The following DCP2 variants were observed in gnomAD, a reference collection of about 807,000 sequenced individuals.
The protein encoded by DCP2 is m7GpppN-mRNA hydrolase.
DCP2 carries 30 observed loss-of-function variants against 56.1 expected under a neutral mutation model. That is an observed-to-expected ratio of 0.53 (90% CI 0.40 to 0.73). DCP2 has a LOEUF of 0.73. Among genes scored for constraint, DCP2 ranks in the 30% least tolerant of loss-of-function variants. DCP2 has a pLI of 0.00. For missense variants in DCP2, 533 were observed against 502.7 expected, an observed-to-expected ratio of 1.06 and a Z score of -0.58; for synonymous variants, 197 against 163.3, an observed-to-expected ratio of 1.21 and a Z score of -1.57.
At chr5:112,993,658 A>G (rs544041769) in intron 4 of DCP2, among the ~76,000 whole-genome samples, 66 of 151,470 alleles carry the variant, frequency 4.4e-4, no homozygotes, top group African/African-American at 1.6e-3. Context: ...AAAAAACCAA[A>G]ATTTTTTTTA....
chr5:113,011,275 T>C (rs1286208242), intron 10 of DCP2, among the ~76,000 whole-genome samples: 29 of 152,172 alleles, frequency 1.9e-4, no homozygotes, highest in Admixed American at 1.8e-3. Context: ...TTTTCCCTCT[T>C]TTGGAGGCAG....
At chr5:112,990,403 C>A (rs935687180) in intron 2 of DCP2, among the ~76,000 whole-genome samples, 1 of 152,148 alleles carries the variant, frequency 6.6e-6, no homozygotes, top group African/African-American at 2.4e-5. Flanking sequence ...GAGTATCCCA[C>A]ATTTGCTCCT....
chr5:113,021,744 A>AATC lies in DCP2; in HGVS notation c.*8261_*8263dup, dbSNP rs777264690. ...CATAGTGAAAACTTGAGAACATTGT[A>AATC]ATCTTTCTCTAACAGATGTGTTGCA... On this transcript the variant is annotated 3_prime_UTR_variant, in exon 11 of 11. Coordinates refer to ENST00000389063, the MANE Select transcript of DCP2 (RefSeq NM_152624.6). 6.6e-6 allele frequency among the ~76,000 whole-genome samples: 1 copy of AATC among 152,166 alleles called. No homozygotes were observed. The highest frequency in any genetic ancestry group is 1.5e-5 in the Non-Finnish European group (1 of 68,036).
In DCP2 at chr5:113,016,107, C is replaced by T. The variant is rs913013029; in HGVS notation, c.*2623C>T. ...TTATTTTTAAAAAAATTTGTAGGTG[C>T]TTTTATGTATAACTTTAATGATTTA... On this transcript the variant is annotated 3_prime_UTR_variant, in exon 11 of 11. Coordinates refer to ENST00000389063, the MANE Select transcript of DCP2 (RefSeq NM_152624.6). The T allele has an allele frequency of 1.3e-5, 2 of 152,564 alleles. No homozygotes were observed. The highest frequency in any genetic ancestry group is 2.9e-5 in the Non-Finnish European group (2 of 68,008). The allele number at this position is 152,564 out of a possible 1,614,324, so 9.5% of individuals were successfully genotyped here. A position where few individuals can be genotyped will look rare whatever the true frequency, so the allele number is the denominator to read the frequency against.
intron 4 of DCP2, among the ~76,000 whole-genome samples, chr5:112,999,989 A>G (rs1332995090): frequency 7.0e-6 from 1 of 142,720 alleles, no homozygotes; most frequent in Non-Finnish European, 1.5e-5. Flanking sequence ...TGAAACTGGG[A>G]GGCAGAGGTT....
chr5:113,012,587 T>C (rs79814946), intron 10 of DCP2, among the ~76,000 whole-genome samples: 5,878 of 152,198 alleles, frequency 0.039, 390 homozygotes, highest in African/African-American at 0.13. Flanking sequence ...CCCAGATAAA[T>C]TGGAGTTTTG....
chr5:113,003,521 A>G (rs949526354), intron 7 of DCP2, among the ~76,000 whole-genome samples: 3 of 152,134 alleles, frequency 2.0e-5, no homozygotes, highest in Admixed American at 6.5e-5. Flanking sequence ...GGCCACGGTG[A>G]GCTGTGATCC....
chr5:113,006,558 C>T (rs888198873), intron 8 of DCP2, among the ~76,000 whole-genome samples: 3 of 152,130 alleles, frequency 2.0e-5, no homozygotes, highest in Admixed American at 6.6e-5. Context: ...TATTGTTTTC[C>T]AGCTATTTTA....
At chr5:113,008,657 A>G (rs1749548105) in intron 9 of DCP2, among the ~76,000 whole-genome samples, 2 of 152,140 alleles carry the variant, frequency 1.3e-5, no homozygotes, top group African/African-American at 4.8e-5. Flanking sequence ...TTTTTAGCAA[A>G]AATATTTTAC....
At chr5:112,985,153 TTAGA>T (rs779244476) in intron 1 of DCP2, among the ~76,000 whole-genome samples, 2 of 152,272 alleles carry the variant, frequency 1.3e-5, no homozygotes. Flanking sequence ...CAACATTGAC[TTAGA>T]TTGATGAATT....
Position 113,018,182 on chromosome 5 carries a change from A to G in DCP2, c.*4698A>G, listed in dbSNP as rs1299055869. 6.6e-6 allele frequency: 1 copy of G among 152,216 alleles called. No homozygotes were observed. Among genetic ancestry groups the G allele is most frequent in the Non-Finnish European group, 1.5e-5 (1 of 68,044 alleles). 9.4% of individuals were successfully genotyped at this position (152,216 alleles called of 1,614,324 possible). On this transcript the variant is annotated 3_prime_UTR_variant, in exon 11 of 11. Transcript: ENST00000389063. The stretch of plus-strand genomic sequence containing the variant: ...AGCATTTACTATTGAAATAGTCTTA[A>G]AATAGGGAAAAGAGTGAAAGTTACT...
intron 1 of DCP2, among the ~76,000 whole-genome samples, chr5:112,984,981 G>A (rs33548): frequency 0.57 from 86,747 of 151,314 alleles, 27,145 homozygotes; most frequent in African/African-American, 0.85. Context: ...TAGTGATTAA[G>A]CAAGTGATCA....
In DCP2 at chr5:112,976,850, C is replaced by A; in HGVS notation, c.-84C>A. ...GCGGCTTCCTCGGCTGCCAGCTCTC[C>A]GGCGAGCCGGAGTCCTAGTGCCGTA... On this transcript the variant is annotated 5_prime_UTR_variant, in exon 1 of 11. Transcript: ENST00000389063. 1 of 1,454,052 alleles carries A rather than the reference C, an allele frequency of 6.9e-7. No homozygotes were observed. The highest frequency in any genetic ancestry group is 9.7e-7 in the Non-Finnish European group (1 of 1,034,214). The allele number at this position is 1,454,052 out of a possible 1,614,324, so 90.1% of individuals were successfully genotyped here. A position where few individuals can be genotyped will look rare whatever the true frequency, so the allele number is the denominator to read the frequency against.
At chr5:113,008,676 C>T (rs1397256553) in intron 9 of DCP2, among the ~76,000 whole-genome samples, 3 of 151,756 alleles carry the variant, frequency 2.0e-5, no homozygotes, top group African/African-American at 7.3e-5. Context: ...ACCTGAATTC[C>T]CTGGGTATTT....
rs532058589 is a variant in DCP2, at chr5:112,997,283, T to C, written c.433-3801T>C. The stretch of plus-strand genomic sequence containing the variant: ...ACAGGACAAAGATGTTTTCTAGATA[T>C]TGTCGAAGGCATAATAATCTCAATT... On this transcript the variant is annotated intron_variant, in intron 4 of 10. Coordinates refer to ENST00000389063, the MANE Select transcript of DCP2 (RefSeq NM_152624.6). Among the ~76,000 whole-genome samples the C allele has an allele frequency of 8.5e-5, 13 of 152,366 alleles. No homozygotes were observed. In the South Asian group the frequency reaches 2.5e-3, roughly 29 times the overall value.
At chr5:112,986,201 C>G (rs1249827952) in intron 2 of DCP2, among the ~76,000 whole-genome samples, 2 of 152,040 alleles carry the variant, frequency 1.3e-5, no homozygotes, top group African/African-American at 4.8e-5. Context: ...AGAGGACGCC[C>G]TAAAATGTAC....
chr5:113,000,225 T>C (rs760692337), intron 4 of DCP2, among the ~76,000 whole-genome samples: 20 of 152,010 alleles, frequency 1.3e-4, no homozygotes, highest in Admixed American at 2.0e-4. Flanking sequence ...CCCAAAGTAC[T>C]GAGATTGCAG....
chr5:113,003,917 G>C lies in DCP2; in HGVS notation c.807-25G>C, dbSNP rs780483628. The C allele has an allele frequency of 2.5e-6, 4 of 1,612,994 alleles. No individual in the cohort carries two copies. In the South Asian group the frequency reaches 4.4e-5, roughly 18 times the overall value. On this transcript the variant is annotated intron_variant, in intron 7 of 10. Coordinates refer to ENST00000389063, the MANE Select transcript of DCP2 (RefSeq NM_152624.6). ...ACTATAAGTGAACATTTTCTGATTT[G>C]ATTATTTTTTAAATCTTGGTGTAGT...
intron 1 of DCP2, among the ~76,000 whole-genome samples, chr5:112,980,288 C>G (rs1228513775): frequency 1.3e-5 from 2 of 152,196 alleles, no homozygotes; most frequent in African/African-American, 2.4e-5. Flanking sequence ...AGTAAGGCCA[C>G]ACTAGTGTTA....
Sources: allele counts gnomAD v4.1 joint callset (sites outside exome capture counted in the v4.1 genomes callset), GRCh38; gene constraint gnomAD v4.1.1; transcripts MANE v1.5; gene names NCBI Gene and HGNC (gene_info 2026-07-23, HGNC 2026-07-21).